ELF2: variants seen among roughly 807,000 people sequenced by gnomAD.
ELF2 encodes the protein ETS-related transcription factor Elf-2.
In ELF2, 11 loss-of-function variants were observed where a neutral mutation model predicts 54.8. That is an observed-to-expected ratio of 0.20 (90% CI 0.13 to 0.33). The LOEUF is 0.33. ELF2 is among the 10% of genes least tolerant of loss of function. The pLI is 1.00. For synonymous variants in ELF2, 203 were observed against 245.1 expected, an observed-to-expected ratio of 0.83 and a Z score of 1.61; for missense variants, 513 against 703.0, an observed-to-expected ratio of 0.73 and a Z score of 3.06.
At position 139,137,847 on chromosome 4, in the gene ELF2, A is replaced by G; in HGVS notation, c.-146T>C. On this transcript the variant is annotated 5_prime_UTR_variant, in exon 3 of 10. Coordinates refer to ENST00000686138, the MANE Select transcript of ELF2 (RefSeq NM_001331036.3). ...TAGATATCCAGAAATCCAGTCTTCT[A>G]AAGATGATTAACCAGAAAGCCTAAA... 7.4e-7 allele frequency: 1 copy of G among 1,342,612 alleles called. No homozygotes were observed. The highest frequency in any genetic ancestry group is 9.5e-7 in the Non-Finnish European group (1 of 1,047,228). The allele number at this position is 1,342,612 out of a possible 1,614,324, so 83.2% of individuals were successfully genotyped here. A position where few individuals can be genotyped will look rare whatever the true frequency, so the allele number is the denominator to read the frequency against.
intron 1 of ELF2, among the ~76,000 whole-genome samples, chr4:139,172,525 C>A (rs1742413306): frequency 6.6e-6 from 1 of 152,036 alleles, no homozygotes; most frequent in South Asian, 2.1e-4. Flanking sequence ...TGCTAGTAAC[C>A]CTTATTTTAC....
chr4:139,123,541 C>T (rs1409730452), intron 4 of ELF2, among the ~76,000 whole-genome samples: 1 of 152,098 alleles, frequency 6.6e-6, no homozygotes, highest in Non-Finnish European at 1.5e-5. Flanking sequence ...ATTAATAAAA[C>T]ATTTACAGTC....
chr4:139,137,546 A>G (rs1233652810), intron 3 of ELF2, 84 bp downstream of exon 3: 1 of 1,323,994 alleles, frequency 7.6e-7, no homozygotes, highest in Non-Finnish European at 1.1e-6. Context: ...TTTACTCTCA[A>G]ATATGTTTCC....
At chr4:139,083,003 G>A (rs1218191689) in intron 4 of ELF2, among the ~76,000 whole-genome samples, 3 of 152,182 alleles carry the variant, frequency 2.0e-5, no homozygotes, top group African/African-American at 7.2e-5. Flanking sequence ...CCAATTCCAT[G>A]CGTACATTGT....
chr4:139,068,106 T>C (rs185288582), intron 6 of ELF2, among the ~76,000 whole-genome samples: 35 of 152,140 alleles, frequency 2.3e-4, no homozygotes, highest in Admixed American at 2.1e-3. Flanking sequence ...CTGCAACCTC[T>C]GCCTCCCGGG....
intron 1 of ELF2, among the ~76,000 whole-genome samples, chr4:139,164,056 G>A (rs1357573141): frequency 6.8e-6 from 1 of 147,898 alleles, no homozygotes; most frequent in African/African-American, 2.5e-5. Context: ...GGGTGAGAGA[G>A]AAAGAGTGGG....
At chr4:139,131,120 C>T (rs903063052) in intron 3 of ELF2, among the ~76,000 whole-genome samples, 2 of 152,164 alleles carry the variant, frequency 1.3e-5, no homozygotes, top group Admixed American at 1.3e-4. Context: ...TAATTCCCTA[C>T]AAGCTAGGGT....
At chr4:139,084,438 G>GGGCGGGGGC in intron 4 of ELF2, 1 of 1,118,126 alleles carries the variant, frequency 8.9e-7, no homozygotes, top group Non-Finnish European at 1.1e-6. Context: ...GCAGGGGCAG[G>GGGCGGGGGC]GGCGGCGGCG....
chr4:139,133,866 T>C (rs1394040098), intron 3 of ELF2, among the ~76,000 whole-genome samples: 1 of 152,232 alleles, frequency 6.6e-6, no homozygotes, highest in Non-Finnish European at 1.5e-5. Context: ...CCTCATATCC[T>C]CTGGCTATTC....
chr4:139,103,735 C>T (rs992411339), intron 4 of ELF2, among the ~76,000 whole-genome samples: 1 of 152,198 alleles, frequency 6.6e-6, no homozygotes, highest in African/African-American at 2.4e-5. Context: ...AGAGGACACC[C>T]AGCTGGTGTC....
At chr4:139,092,965 ATTTT>A (rs771791854) in intron 4 of ELF2, among the ~76,000 whole-genome samples, 2 of 136,610 alleles carry the variant, frequency 1.5e-5, no homozygotes, top group African/African-American at 2.8e-5. Context: ...ATAGTAAATA[ATTTT>A]TTTTTTTTTT....
intron 4 of ELF2, 98 bp from the exon 5 acceptor site, chr4:139,073,665 T>C (rs1729847354): frequency 1.8e-6 from 1 of 548,858 alleles, no homozygotes; most frequent in Admixed American, 4.0e-5. Context: ...GAAAGAGAAA[T>C]GAAAAATAAA....
intron 4 of ELF2, chr4:139,115,083 C>T: frequency 6.2e-7 from 1 of 1,613,942 alleles, no homozygotes; most frequent in South Asian, 1.1e-5. Context: ...GGAGCTCATC[C>T]ACGTCAATCT....
At chr4:139,083,694 G>A (rs1731511752) in intron 4 of ELF2, among the ~76,000 whole-genome samples, 1 of 152,218 alleles carries the variant, frequency 6.6e-6, no homozygotes, top group Admixed American at 6.5e-5. Context: ...CGCCGCCCCC[G>A]AACGCGGGCA....
intron 4 of ELF2, 61 bp downstream of exon 4, chr4:139,125,103 T>C (rs1240494370): frequency 3.9e-6 from 6 of 1,557,188 alleles, no homozygotes; most frequent in Non-Finnish European, 5.2e-6. Context: ...CTGGCAATAG[T>C]ATTGTTGAAG....
chr4:139,088,355 T>C (rs1578758421), intron 4 of ELF2, among the ~76,000 whole-genome samples: 2 of 152,060 alleles, frequency 1.3e-5, no homozygotes, highest in Non-Finnish European at 2.9e-5. Context: ...TCTCATTTAA[T>C]TCCAAAAGGA....
At chr4:139,111,322 T>TA (rs765373600) in intron 4 of ELF2, among the ~76,000 whole-genome samples, 18 of 152,086 alleles carry the variant, frequency 1.2e-4, no homozygotes, top group South Asian at 2.1e-4. Flanking sequence ...TATATTAACT[T>TA]ACGCTGTCTA....
chr4:139,157,754 A>G (rs1252056428), intron 1 of ELF2, among the ~76,000 whole-genome samples: 1 of 152,200 alleles, frequency 6.6e-6, no homozygotes, highest in Non-Finnish European at 1.5e-5. Context: ...TGACACTTCT[A>G]GAAATCTTCA....
chr4:139,157,078 C>T (rs1286242482), intron 1 of ELF2, among the ~76,000 whole-genome samples: 4 of 152,102 alleles, frequency 2.6e-5, no homozygotes, highest in Admixed American at 6.6e-5. Context: ...CCTTATAGAG[C>T]GTACTTACAC....
Sources: gnomAD v4.1 joint callset for allele counts (sites outside exome capture counted in the v4.1 genomes callset) on GRCh38, gnomAD v4.1.1 for gene constraint, MANE v1.5 for transcripts, NCBI Gene and HGNC (gene_info 2026-07-23, HGNC 2026-07-21) for gene names.